ME3: variants seen among roughly 807,000 people sequenced by gnomAD.
ME3 encodes NADP-dependent malic enzyme, mitochondrial.
ME3 carries 48 observed loss-of-function variants against 68.9 expected under a neutral mutation model. That is an observed-to-expected ratio of 0.70 (90% CI 0.55 to 0.89). ME3 has a LOEUF of 0.89. Ranked by LOEUF, ME3 falls within the 40% of genes least tolerant of loss-of-function variation. ME3 has a pLI of 0.00. For synonymous variants in ME3, 320 were observed against 318.8 expected, an observed-to-expected ratio of 1.00 and a Z score of -0.04; for missense variants, 675 against 797.4, an observed-to-expected ratio of 0.85 and a Z score of 1.85.
At position 86,618,775 on chromosome 11, in the gene ME3, T is replaced by C. The variant is rs192158125; in HGVS notation, c.183+52987A>G. Among the ~76,000 whole-genome samples, 623 of 150,652 alleles carry C rather than the reference T, an allele frequency of 4.1e-3. 1 individual carries two copies. Among genetic ancestry groups the C allele is most frequent in the African/African-American group, 0.015 (600 of 41,036 alleles). ...CTCTGTCACCCAGGCTGGAGTGCAA[T>C]GGCGTGATCTCGGCTCACTGCAACC... On this transcript the variant is annotated intron_variant, in intron 2 of 14. Transcript: ENST00000543262.
At chr11:86,617,134 C>T (rs1285590706) in intron 2 of ME3, among the ~76,000 whole-genome samples, 1 of 117,884 alleles carries the variant, frequency 8.5e-6, no homozygotes, top group Admixed American at 1.2e-4. Context: ...AGTTCTGGGT[C>T]TGGCATTTAT....
At chr11:86,457,575 T>C (rs1274147012) in intron 8 of ME3, 4 of 1,174,106 alleles carry the variant, frequency 3.4e-6, no homozygotes, top group Admixed American at 3.4e-5. Flanking sequence ...AATAAAGTTA[T>C]CTCCATCATT....
chr11:86,446,329 G>A, exon 13 of ME3: 1 of 1,614,068 alleles, frequency 6.2e-7, no homozygotes, highest in African/African-American at 1.3e-5. Flanking sequence ...CTGTCAGGAG[G>A]AAGATCTCAT....
intron 2 of ME3, among the ~76,000 whole-genome samples, chr11:86,630,529 G>T (rs867015903): frequency 6.6e-6 from 1 of 152,204 alleles, no homozygotes; most frequent in Non-Finnish European, 1.5e-5. Context: ...TGCTTTACAC[G>T]CAAGCTTCCA....
At chr11:86,436,268 G>T (rs1948897263), downstream of ME3, 1 of 151,816 alleles carries the variant, frequency 6.6e-6, no homozygotes, top group South Asian at 2.1e-4. Context: ...TACTAATAAT[G>T]TTAAACATTT....
At position 86,483,737 on chromosome 11, in the gene ME3, C is replaced by T. The variant is rs1365338049; in HGVS notation, c.809+3600G>A. ...AGGGAAGAAGCGGGTGATTTCCTTT[C>T]CTGGCCTGCCTAAAGGCCAAAGCTG... On this transcript the variant is annotated intron_variant, in intron 7 of 14. Coordinates refer to ENST00000543262, the Ensembl canonical transcript of ME3. Among the ~76,000 whole-genome samples the T allele has an allele frequency of 2.0e-5, 3 of 152,204 alleles. No individual in the cohort carries two copies. The East Asian group carries it at 5.8e-4, about 29-fold the overall frequency.
chr11:86,664,355 GAATT>G, intron 2 of ME3, among the ~76,000 whole-genome samples: 1 of 152,238 alleles, frequency 6.6e-6, no homozygotes, highest in East Asian at 1.9e-4. Context: ...TTTGCAATTT[GAATT>G]AAGCATTCAT....
intron 2 of ME3, among the ~76,000 whole-genome samples, chr11:86,610,703 GC>G (rs1309886190): frequency 7.2e-6 from 1 of 138,260 alleles, no homozygotes; most frequent in Non-Finnish European, 1.5e-5. Context: ...AAGGCAGATT[GC>G]TGCAATAGGG....
chr11:86,536,384 C>T (rs899305407), intron 4 of ME3, among the ~76,000 whole-genome samples: 110 of 139,330 alleles, frequency 7.9e-4, no homozygotes, highest in African/African-American at 2.9e-3. Flanking sequence ...GCAACCTACT[C>T]ATCTGACAAA....
At chr11:86,653,689 G>C (rs1017264958) in intron 2 of ME3, among the ~76,000 whole-genome samples, 1 of 152,170 alleles carries the variant, frequency 6.6e-6, no homozygotes, top group Non-Finnish European at 1.5e-5. Context: ...AAAAGAACTA[G>C]AGAAGCAAGA....
intron 2 of ME3, among the ~76,000 whole-genome samples, chr11:86,618,798 A>T (rs1943155655): frequency 6.6e-6 from 1 of 150,820 alleles, no homozygotes; most frequent in Admixed American, 6.6e-5. Context: ...GCTCACTGCA[A>T]CCTCCACCTC....
At chr11:86,548,723 G>C (rs1384376258) in intron 4 of ME3, among the ~76,000 whole-genome samples, 2 of 152,148 alleles carry the variant, frequency 1.3e-5, no homozygotes, top group East Asian at 3.9e-4. Context: ...GGAGCCCTGA[G>C]ATCACCTACT....
At chr11:86,527,111 C>T (rs953708492) in intron 4 of ME3, among the ~76,000 whole-genome samples, 7 of 152,144 alleles carry the variant, frequency 4.6e-5, no homozygotes, top group Admixed American at 1.3e-4. Context: ...AAGTTAAAAA[C>T]CTTGAAAAAA....
At chr11:86,484,540 C>T (rs1203120883) in intron 7 of ME3, among the ~76,000 whole-genome samples, 1 of 152,058 alleles carries the variant, frequency 6.6e-6, no homozygotes, top group Admixed American at 6.6e-5. Context: ...CCCGGACTGC[C>T]TGTGTGTGTG....
intron 8 of ME3, among the ~76,000 whole-genome samples, chr11:86,458,910 T>C (rs1950089017): frequency 6.6e-6 from 1 of 152,184 alleles, no homozygotes; most frequent in African/African-American, 2.4e-5. Context: ...CCCCCACACC[T>C]TCCCTCTCCA....
rs555537720 is a variant in ME3 at position 86,658,844 on chromosome 11, G to T, written c.183+12918C>A. Among the ~76,000 whole-genome samples the T allele has an allele frequency of 4.6e-5, 7 of 152,218 alleles. 1 individual carries two copies. Among genetic ancestry groups the T allele is most frequent in the Admixed American group, 4.6e-4 (7 of 15,284 alleles). Reference sequence around the variant, plus strand: ...ACAGGGGAAATGTTTCAGCTCTGATGGGTGGATTTAAAAGTCTGTTTCTAA... The same window carrying T: ...ACAGGGGAAATGTTTCAGCTCTGATTGGTGGATTTAAAAGTCTGTTTCTAA... On this transcript the variant is annotated intron_variant, in intron 2 of 14. Coordinates refer to ENST00000543262, the Ensembl canonical transcript of ME3.
At position 86,559,674 on chromosome 11, in the gene ME3, G is replaced by T; in HGVS notation, c.317+16C>A. 1 of 1,606,714 alleles carries T rather than the reference G, an allele frequency of 6.2e-7. No homozygotes were observed. The highest frequency in any genetic ancestry group is 1.1e-5 in the South Asian group (1 of 90,264). On this transcript the variant is annotated intron_variant, in intron 3 of 14. Coordinates refer to ENST00000543262, the Ensembl canonical transcript of ME3. Reference sequence around the variant, plus strand: ...GCCCAAGGACCAGACAGAGAGAACAGACACTAGGTACTGACTTGTCCAGGT... The same window carrying T: ...GCCCAAGGACCAGACAGAGAGAACATACACTAGGTACTGACTTGTCCAGGT...
intron 2 of ME3, among the ~76,000 whole-genome samples, chr11:86,645,607 G>T (rs1410200181): frequency 6.6e-6 from 1 of 152,190 alleles, no homozygotes; most frequent in African/African-American, 2.4e-5. Context: ...GGGGGAAAGG[G>T]TGGCTGTGGG....
intron 4 of ME3, among the ~76,000 whole-genome samples, chr11:86,529,268 A>G (rs1955016184): frequency 6.6e-6 from 1 of 152,220 alleles, no homozygotes; most frequent in Admixed American, 6.5e-5. Context: ...AGAAATGGAT[A>G]AATTCCTCGA....
Sources: allele counts gnomAD v4.1 joint callset (sites outside exome capture counted in the v4.1 genomes callset), GRCh38; gene constraint gnomAD v4.1.1; transcripts MANE v1.5; gene names NCBI Gene and HGNC (gene_info 2026-07-23, HGNC 2026-07-21).